Variants in SCD5 observed in about 807,000 individuals in gnomAD.
The protein encoded by SCD5 is acyl-CoA-desaturase 4.
Under a neutral mutation model 30.4 loss-of-function variants are expected in SCD5, and 20 were observed. That is an observed-to-expected ratio of 0.66 (90% CI 0.46 to 0.96). SCD5 has a LOEUF of 0.96. Ranked by LOEUF, SCD5 falls within the 40% of genes least tolerant of loss-of-function variation. The pLI is 0.00. For missense variants in SCD5, 381 were observed against 443.3 expected (o/e 0.86, Z 1.26); for synonymous variants, 173 against 176.4 (o/e 0.98, Z 0.16).
chr4:82,682,512 A>C (rs1440660219), intron 2 of SCD5, among the ~76,000 whole-genome samples: 1 of 152,254 alleles, frequency 6.6e-6, no homozygotes, highest in Non-Finnish European at 1.5e-5. Context: ...ATTATATTAC[A>C]TTAGCCTTTT....
chr4:82,792,893 AT>A (rs965335078), intron 1 of SCD5, among the ~76,000 whole-genome samples: 14 of 152,192 alleles, frequency 9.2e-5, no homozygotes, highest in African/African-American at 3.4e-4. Context: ...TCTCTTTCTC[AT>A]TTCATGGTCA....
intron 1 of SCD5, among the ~76,000 whole-genome samples, chr4:82,764,621 C>T (rs1018974894): frequency 6.6e-6 from 1 of 152,006 alleles, no homozygotes; most frequent in African/African-American, 2.4e-5. Context: ...TCATTTCCCC[C>T]TTCTTGGCCT....
chr4:82,716,616 C>G (rs1006483139), intron 1 of SCD5, among the ~76,000 whole-genome samples: 1 of 151,726 alleles, frequency 6.6e-6, no homozygotes, highest in African/African-American at 2.4e-5. Flanking sequence ...GAGTTCGAGA[C>G]CAGCCTGGCC....
intron 1 of SCD5, among the ~76,000 whole-genome samples, chr4:82,720,011 A>G (rs7685388): frequency 0.6 from 90,489 of 151,216 alleles, 28,945 homozygotes; most frequent in African/African-American, 0.83. Flanking sequence ...CAGGTTGGCC[A>G]GGCTGGTAGT....
intron 3 of SCD5, among the ~76,000 whole-genome samples, chr4:82,652,679 TAAC>T (rs1727782074): frequency 6.6e-6 from 1 of 152,176 alleles, no homozygotes; most frequent in African/African-American, 2.4e-5. Context: ...TTATAAAAAA[TAAC>T]AACTAGAAGC....
chr4:82,727,990 T>G (rs1720543990), intron 1 of SCD5, among the ~76,000 whole-genome samples: 1 of 152,214 alleles, frequency 6.6e-6, no homozygotes, highest in South Asian at 2.1e-4. Context: ...ATTACAGGCA[T>G]GAGCCACCAT....
chr4:82,699,136 A>T (rs949563006), intron 2 of SCD5, among the ~76,000 whole-genome samples: 6 of 152,036 alleles, frequency 3.9e-5, no homozygotes, highest in African/African-American at 1.2e-4. Flanking sequence ...TCTTAAAACC[A>T]TCCCCCCACC....
At chr4:82,658,630 CTTTTTTTTTTTT>C (rs57727794) in intron 3 of SCD5, among the ~76,000 whole-genome samples, 1 of 116,912 alleles carries the variant, frequency 8.6e-6, no homozygotes, top group Admixed American at 8.2e-5. Flanking sequence ...CCACACCTGG[CTTTTTTTTTTTT>C]TTTTTTTTTT....
intron 1 of SCD5, among the ~76,000 whole-genome samples, chr4:82,771,620 T>C (rs1370832211): frequency 1.3e-5 from 2 of 150,564 alleles, no homozygotes; most frequent in African/African-American, 4.9e-5. Context: ...GCTGGGGAGG[T>C]TGTAGTGTTC....
At chr4:82,786,706 C>T (rs181676845) in intron 1 of SCD5, among the ~76,000 whole-genome samples, 12 of 150,920 alleles carry the variant, frequency 8.0e-5, no homozygotes, top group African/African-American at 2.9e-4. Flanking sequence ...GCAGGAGAAT[C>T]GCTTGAACCC....
intron 3 of SCD5, among the ~76,000 whole-genome samples, chr4:82,672,265 C>G (rs1227228428): frequency 6.6e-6 from 1 of 151,980 alleles, no homozygotes; most frequent in East Asian, 1.9e-4. Context: ...AAACCAAAAG[C>G]TGGTTCTTTG....
intron 1 of SCD5, among the ~76,000 whole-genome samples, chr4:82,772,011 A>G (rs1721634659): frequency 6.6e-6 from 1 of 152,208 alleles, no homozygotes; most frequent in South Asian, 2.1e-4. Context: ...GGGTTTCAGG[A>G]AAGTTTCCTG....
At chr4:82,654,068 C>T (rs1190775193) in intron 3 of SCD5, among the ~76,000 whole-genome samples, 1 of 152,156 alleles carries the variant, frequency 6.6e-6, no homozygotes, top group Non-Finnish European at 1.5e-5. Flanking sequence ...CAGGTGTCTG[C>T]CACCACCCTG....
intron 1 of SCD5, among the ~76,000 whole-genome samples, chr4:82,708,627 C>G (rs1381638237): frequency 2.0e-5 from 3 of 152,194 alleles, no homozygotes; most frequent in African/African-American, 7.2e-5. Context: ...CCTTTGGCTT[C>G]TGTGTGGAAG....
At chr4:82,731,948 T>A (rs28415575) in intron 1 of SCD5, among the ~76,000 whole-genome samples, 90,795 of 152,024 alleles carry the variant, frequency 0.6, 29,347 homozygotes, top group African/African-American at 0.85. Context: ...GGGTGCCTGC[T>A]GCCTTTGCTT....
intron 1 of SCD5, among the ~76,000 whole-genome samples, chr4:82,761,469 A>G (rs1455445320): frequency 1.3e-5 from 2 of 152,174 alleles, no homozygotes; most frequent in South Asian, 4.1e-4. Context: ...CAGGAAATCC[A>G]TCTGTTTTAG....
chr4:82,710,027 T>TAA (rs1476420044), intron 1 of SCD5, among the ~76,000 whole-genome samples: 2 of 152,220 alleles, frequency 1.3e-5, no homozygotes, highest in African/African-American at 4.8e-5. Context: ...CTCTAAGTGA[T>TAA]AAAGCCAGAA....
chr4:82,779,753 C>T (rs887109495), intron 1 of SCD5, among the ~76,000 whole-genome samples: 22 of 152,170 alleles, frequency 1.4e-4, no homozygotes, highest in East Asian at 1.9e-4. Flanking sequence ...GACACCAGGA[C>T]GAGGCTGTCA....
At chr4:82,781,091 G>A (rs1240144061) in intron 1 of SCD5, among the ~76,000 whole-genome samples, 1 of 152,188 alleles carries the variant, frequency 6.6e-6, no homozygotes, top group Non-Finnish European at 1.5e-5. Flanking sequence ...GCACCAGCTA[G>A]GGCTTGAGAA....
Sources: gnomAD v4.1 joint callset for allele counts (sites outside exome capture counted in the v4.1 genomes callset) on GRCh38, gnomAD v4.1.1 for gene constraint, MANE v1.5 for transcripts, NCBI Gene and HGNC (gene_info 2026-07-23, HGNC 2026-07-21) for gene names.